Variants in TYW1B observed in about 807,000 individuals in gnomAD.
TYW1B encodes tRNA-yW synthesizing protein 1 homolog B.
TYW1B carries 73 observed loss-of-function variants against 86.9 expected under a neutral mutation model. The observed-to-expected ratio is 0.84, with a 90% CI of 0.70 to 1.02. The LOEUF is 1.02. TYW1B is among the 50% of genes least tolerant of loss of function. The pLI is 0.00. For synonymous variants in TYW1B, 248 were observed against 292.8 expected, an observed-to-expected ratio of 0.85 and a Z score of 1.56; for missense variants, 637 against 827.4, an observed-to-expected ratio of 0.77 and a Z score of 2.82.
At chr7:72,770,168 A>C (rs574217361) in intron 7 of TYW1B, among the ~76,000 whole-genome samples, 4 of 151,634 alleles carry the variant, frequency 2.6e-5, no homozygotes, top group African/African-American at 4.8e-5. Flanking sequence ...CGGTGGCTCA[A>C]ACCTGTAATC....
At chr7:72,696,270 C>T (rs1430727999) in intron 10 of TYW1B, among the ~76,000 whole-genome samples, 1 of 151,970 alleles carries the variant, frequency 6.6e-6, no homozygotes, top group Non-Finnish European at 1.5e-5. Flanking sequence ...TTTCTAAAGC[C>T]TCTCCCCTTC....
intron 13 of TYW1B, among the ~76,000 whole-genome samples, chr7:72,615,917 G>A (rs1812060736): frequency 6.6e-6 from 1 of 151,642 alleles, no homozygotes. Flanking sequence ...GAGATGGAGA[G>A]ACAAAAGCAC....
chr7:72,793,336 CA>C (rs1164223001), intron 6 of TYW1B, among the ~76,000 whole-genome samples: 4 of 146,000 alleles, frequency 2.7e-5, no homozygotes, highest in Admixed American at 1.4e-4. Flanking sequence ...GACTCCATCT[CA>C]AAAAAAAATA....
chr7:72,816,955 C>T lies in TYW1B; in HGVS notation c.136-1474G>A, dbSNP rs1788735631. Among the ~76,000 whole-genome samples, 3 of 152,136 alleles carry T rather than the reference C, an allele frequency of 2.0e-5. No individual in the cohort carries two copies. The South Asian group carries it at 6.2e-4, about 31-fold the overall frequency. On this transcript the variant is annotated intron_variant, in intron 2 of 13. Transcript: ENST00000620995. ...AAACCAGTAAACATAAGTCAAGCAA[C>T]TTCCTGAGGTCTGTGAGTCATCCTA...
chr7:72,678,789 C>T (rs1813800917), intron 11 of TYW1B, among the ~76,000 whole-genome samples: 1 of 151,982 alleles, frequency 6.6e-6, no homozygotes, highest in African/African-American at 2.4e-5. Context: ...ATCCGCCTGC[C>T]TCAGCCTCCC....
chr7:72,717,686 C>G (rs1242075145), intron 9 of TYW1B, among the ~76,000 whole-genome samples: 10 of 151,414 alleles, frequency 6.6e-5, no homozygotes, highest in African/African-American at 2.4e-4. Flanking sequence ...CACTCTAATT[C>G]TCTCTCTCTC....
intron 11 of TYW1B, among the ~76,000 whole-genome samples, chr7:72,664,612 T>C (rs1305769566): frequency 8.6e-5 from 13 of 151,888 alleles, no homozygotes; most frequent in Non-Finnish European, 5.9e-5. Context: ...GAGTGGAGAA[T>C]GGGAGGAAGG....
chr7:72,774,896 T>C (rs1554470314), intron 7 of TYW1B, among the ~76,000 whole-genome samples: 1 of 152,036 alleles, frequency 6.6e-6, no homozygotes, highest in African/African-American at 2.4e-5. Context: ...GACAAAGACA[T>C]TAGCAGATTA....
intron 10 of TYW1B, among the ~76,000 whole-genome samples, chr7:72,709,673 CAAA>C (rs1165149554): frequency 6.8e-6 from 1 of 146,020 alleles, no homozygotes. Context: ...GTCTCAAAAA[CAAA>C]AAAAAAAATT....
intron 11 of TYW1B, among the ~76,000 whole-genome samples, chr7:72,656,638 C>T (rs1740045658): frequency 6.6e-6 from 1 of 151,936 alleles, no homozygotes; most frequent in Admixed American, 6.6e-5. Flanking sequence ...AAGAGAATAC[C>T]TAAAGCTGGG....
At chr7:72,727,142 G>A (rs1787014405) in intron 9 of TYW1B, among the ~76,000 whole-genome samples, 1 of 152,076 alleles carries the variant, frequency 6.6e-6, no homozygotes, top group Non-Finnish European at 1.5e-5. Context: ...CATATCAAGT[G>A]GTAAGGAGTA....
intron 13 of TYW1B, among the ~76,000 whole-genome samples, chr7:72,597,928 T>C (rs1469709380): frequency 6.6e-6 from 1 of 152,044 alleles, no homozygotes; most frequent in Non-Finnish European, 1.5e-5. Flanking sequence ...GAGCTGAATA[T>C]TACCTTAAGT....
chr7:72,737,282 T>C (rs1295390880), intron 8 of TYW1B, among the ~76,000 whole-genome samples: 3 of 152,256 alleles, frequency 2.0e-5, no homozygotes, highest in Non-Finnish European at 4.4e-5. Flanking sequence ...ATTCTAATTT[T>C]AAAAGCTCAC....
At chr7:72,646,975 G>C (rs1356702966) in intron 11 of TYW1B, among the ~76,000 whole-genome samples, 5 of 152,182 alleles carry the variant, frequency 3.3e-5, no homozygotes, top group African/African-American at 1.2e-4. Context: ...ACATAGACTG[G>C]ATGAGGTTAT....
intron 10 of TYW1B, among the ~76,000 whole-genome samples, chr7:72,704,755 T>C (rs1814573732): frequency 6.6e-6 from 1 of 152,124 alleles, no homozygotes; most frequent in Admixed American, 6.6e-5. Flanking sequence ...ATTATTATTA[T>C]CATTTTACAA....
chr7:72,759,850 A>G (rs1554466913), intron 7 of TYW1B, among the ~76,000 whole-genome samples: 1 of 152,334 alleles, frequency 6.6e-6, no homozygotes, highest in Non-Finnish European at 1.5e-5. Context: ...AGGTTTGCCT[A>G]ACTAGCAACT....
Position 72,632,400 on chromosome 7 carries a change from AAT to A in TYW1B, c.1507-3405_1507-3404del, listed in dbSNP as rs781949551. Among the ~76,000 whole-genome samples the A allele has an allele frequency of 4.6e-3, 373 of 81,706 alleles. 10 individuals are homozygous for A. The highest frequency in any genetic ancestry group is 0.015 in the African/African-American group (170 of 11,302). 53.6% of individuals were successfully genotyped at this position (81,706 alleles called of 152,430 possible). A position where few individuals can be genotyped will look rare whatever the true frequency, so the allele number is the denominator to read the frequency against. On this transcript the variant is annotated intron_variant, in intron 11 of 13. Coordinates refer to ENST00000620995, the MANE Select transcript of TYW1B (RefSeq NM_001145440.3). ...ATTATATATATACGTATATATATATAATATATATATACATATATATATAAAAT... is the reference window on the plus strand; with the variant it reads ...ATTATATATATACGTATATATATATAATATATATACATATATATATAAAAT...
chr7:72,674,963 T>C (rs1813700922), intron 11 of TYW1B, among the ~76,000 whole-genome samples: 1 of 151,986 alleles, frequency 6.6e-6, no homozygotes, highest in African/African-American at 2.4e-5. Flanking sequence ...TACCAAAAAA[T>C]AAGGGATGAC....
chr7:72,801,996 A>C (rs1457234498), intron 6 of TYW1B, among the ~76,000 whole-genome samples: 1 of 151,822 alleles, frequency 6.6e-6, no homozygotes, highest in Non-Finnish European at 1.5e-5. Context: ...CTGGCCCAAC[A>C]CAAATTTATA....
Sources: allele counts gnomAD v4.1 joint callset (sites outside exome capture counted in the v4.1 genomes callset), GRCh38; gene constraint gnomAD v4.1.1; transcripts MANE v1.5; gene names NCBI Gene and HGNC (gene_info 2026-07-23, HGNC 2026-07-21).